Variants in SATL1 observed in about 807,000 individuals in gnomAD.
SATL1 encodes spermidine/spermine N1-acetyl transferase like 1, also known as spermidine/spermine N(1)-acetyltransferase-like protein 1.
A neutral mutation model predicts 51.8 loss-of-function variants in SATL1; 47 were observed. The observed-to-expected ratio is 0.91, with a 90% CI of 0.72 to 1.16. SATL1 has a LOEUF of 1.16. SATL1 is among the 50% of genes most tolerant of loss of function. The pLI is 0.00. For synonymous variants in SATL1, 176 were observed against 182.4 expected, an observed-to-expected ratio of 0.97 and a Z score of 0.28; for missense variants, 520 against 526.4, an observed-to-expected ratio of 0.99 and a Z score of 0.12.
At chrX:85,104,599 C>T (rs1475900421) in intron 3 of SATL1, among the ~76,000 whole-genome samples, 2 of 110,686 alleles carry the variant, frequency 1.8e-5, no homozygotes, top group African/African-American at 3.3e-5. Flanking sequence ...TCATATACTA[C>T]ATCCTCATTT....
chrX:85,216,555 A>C (rs1346201854), intron 2 of SATL1, among the ~76,000 whole-genome samples: 3 of 111,276 alleles, frequency 2.7e-5, no homozygotes, highest in African/African-American at 6.5e-5. Flanking sequence ...CTGTCATCTA[A>C]AGGCCACTGT....
rs768238031 is a variant in SATL1, at chrX:85,092,413, A to C, written c.2066T>G (p.Leu689Arg). Residue 689 changes from leucine to arginine, a missense_variant, in exon 8 of 8, where the codon CTG becomes CGG. Leu to Arg is a moderately radical substitution (Grantham distance 102). Coordinates refer to ENST00000644105, the MANE Select transcript of SATL1 (RefSeq NM_001367857.2). ...HLFRFNREELLDMAWEE is the reference protein window; with the variant it reads ...HLFRFNREELRDMAWEE The stretch of plus-strand genomic sequence containing the variant: ...CTTTCATTCTTCCCATGCCATGTCC[A>C]GGAGTTCTTCTCTGTTAAACCTGAA... 1 of 1,176,901 alleles carries C rather than the reference A, an allele frequency of 8.5e-7. No homozygotes were observed. The highest frequency in any genetic ancestry group is 1.1e-6 in the Non-Finnish European group (1 of 878,691).
At chrX:85,194,654 A>G (rs184353196) in intron 2 of SATL1, among the ~76,000 whole-genome samples, 1 of 110,700 alleles carries the variant, frequency 9.0e-6, no homozygotes, top group East Asian at 2.9e-4. Flanking sequence ...CTGGATAAAG[A>G]AGATGTGGCA....
At chrX:85,132,850 T>G (rs755115267) in intron 2 of SATL1, among the ~76,000 whole-genome samples, 1 of 111,984 alleles carries the variant, frequency 8.9e-6, no homozygotes, top group South Asian at 3.8e-4. Flanking sequence ...TGGATGTCCT[T>G]TTTGTTGATG....
rs775550654 is a variant in SATL1, at chrX:85,178,406, A to ATTTTGT, written c.-313+45793_-313+45798dup. On this transcript the variant is annotated intron_variant, in intron 2 of 7. Transcript: ENST00000644105. ...CCTTTGGTATGGAAACCTGTCAAAG[A>ATTTTGT]TTTTGTTTTTGTTTTTGTTTTTGTT... is the stretch of plus-strand genomic sequence containing the variant. Among the ~76,000 whole-genome samples the ATTTTGT allele has an allele frequency of 3.5e-4, 39 of 110,762 alleles. No individual in the cohort carries two copies. In the East Asian group the frequency reaches 9.2e-3, roughly 26 times the overall value.
chrX:85,167,319 G>A (rs1011437505), intron 2 of SATL1, among the ~76,000 whole-genome samples: 4 of 108,224 alleles, frequency 3.7e-5, no homozygotes, highest in African/African-American at 6.8e-5. Context: ...CAGTTGATGG[G>A]TGCACCAGAA....
At chrX:85,174,018 C>A (rs376753642) in intron 2 of SATL1, among the ~76,000 whole-genome samples, 6 of 105,438 alleles carry the variant, frequency 5.7e-5, no homozygotes, top group Non-Finnish European at 1.2e-4. Context: ...TGAGAACATG[C>A]GGTGTTTGGT....
intron 2 of SATL1, among the ~76,000 whole-genome samples, chrX:85,113,356 G>T (rs868375260): frequency 8.9e-6 from 1 of 111,747 alleles, no homozygotes; most frequent in South Asian, 3.8e-4. Context: ...CCGACATGCT[G>T]CAGTAATGCC....
At chrX:85,188,769 C>A (rs765408393) in intron 2 of SATL1, among the ~76,000 whole-genome samples, 2 of 112,277 alleles carry the variant, frequency 1.8e-5, no homozygotes, top group Non-Finnish European at 3.8e-5. Context: ...AGGATACATT[C>A]ATCTTGATAT....
chrX:85,193,570 G>A (rs8181253), intron 2 of SATL1, among the ~76,000 whole-genome samples: 1 of 111,354 alleles, frequency 9.0e-6, no homozygotes, highest in Admixed American at 9.6e-5. Flanking sequence ...TTGTTACATA[G>A]GTGAACTTGT....
intron 1 of SATL1, among the ~76,000 whole-genome samples, chrX:85,225,205 T>C (rs926819617): frequency 9.8e-5 from 11 of 111,796 alleles, no homozygotes; most frequent in African/African-American, 3.6e-4. Flanking sequence ...TTGACTGTGG[T>C]AGTGGATACA....
chrX:85,218,164 G>C (rs1289965966), intron 2 of SATL1, among the ~76,000 whole-genome samples: 2 of 105,059 alleles, frequency 1.9e-5, no homozygotes, highest in Non-Finnish European at 4.0e-5. Context: ...CACCAATTGG[G>C]TACTATGCTT....
At chrX:85,177,036 T>A (rs1290041151) in intron 2 of SATL1, among the ~76,000 whole-genome samples, 1 of 111,105 alleles carries the variant, frequency 9.0e-6, no homozygotes, top group African/African-American at 3.3e-5. Flanking sequence ...AGCATCAAAC[T>A]CATTGAAGGG....
intron 4 of SATL1, among the ~76,000 whole-genome samples, chrX:85,103,113 A>G (rs754816256): frequency 8.9e-6 from 1 of 111,861 alleles, no homozygotes; most frequent in Non-Finnish European, 1.9e-5. Context: ...GAACATAAGT[A>G]TCATCACATA....
intron 2 of SATL1, among the ~76,000 whole-genome samples, chrX:85,214,856 G>T (rs892703913): frequency 8.9e-6 from 1 of 111,784 alleles, no homozygotes; most frequent in East Asian, 2.8e-4. Flanking sequence ...TCCATGTCTT[G>T]CATCCTGGGC....
intron 1 of SATL1, among the ~76,000 whole-genome samples, chrX:85,240,215 A>G (rs1928563244): frequency 8.9e-6 from 1 of 112,127 alleles, no homozygotes; most frequent in Admixed American, 9.4e-5. Context: ...ACAGGTGTTA[A>G]TTATTAGCTA....
chrX:85,219,942 C>G (rs1928135829), intron 2 of SATL1, among the ~76,000 whole-genome samples: 1 of 107,650 alleles, frequency 9.3e-6, no homozygotes, highest in Non-Finnish European at 1.9e-5. Context: ...AACCGAAATT[C>G]AGGTGAGCCC....
chrX:85,153,839 T>C (rs897678003), intron 2 of SATL1: 1 of 111,163 alleles, frequency 9.0e-6, no homozygotes, highest in African/African-American at 3.3e-5. Flanking sequence ...ACGATTGGCT[T>C]TAATAGTTGG....
At chrX:85,172,723 A>G (rs1406573828) in intron 2 of SATL1, among the ~76,000 whole-genome samples, 2 of 109,875 alleles carry the variant, frequency 1.8e-5, no homozygotes, top group Non-Finnish European at 3.8e-5. Context: ...GTGTTAAACT[A>G]CTGTTAATAT....
Sources: allele counts gnomAD v4.1 joint callset (sites outside exome capture counted in the v4.1 genomes callset), GRCh38; gene constraint gnomAD v4.1.1; transcripts MANE v1.5; gene names NCBI Gene and HGNC (gene_info 2026-07-23, HGNC 2026-07-21).